The following GRID2 variants were observed in gnomAD, a reference collection of about 807,000 sequenced individuals.
GRID2 encodes glutamate ionotropic receptor delta type subunit 2.
Under a neutral mutation model 114.8 loss-of-function variants are expected in GRID2, and 33 were observed. That is an observed-to-expected ratio of 0.29 (90% CI 0.22 to 0.38). The LOEUF is 0.38. GRID2 is among the 10% of genes least tolerant of loss of function. The pLI is 1.00. For synonymous variants in GRID2, 505 were observed against 449.9 expected, an observed-to-expected ratio of 1.12 and a Z score of -1.55; for missense variants, 1,184 against 1,257.7, an observed-to-expected ratio of 0.94 and a Z score of 0.89.
intron 13 of GRID2, among the ~76,000 whole-genome samples, chr4:93,587,589 C>T (rs1393578344): frequency 3.9e-5 from 6 of 151,984 alleles, no homozygotes; most frequent in Non-Finnish European, 1.5e-5. Context: ...TATCCATGGC[C>T]TCATTTTAGT....
At chr4:92,596,491 A>T (rs879646029) in intron 2 of GRID2, among the ~76,000 whole-genome samples, 9 of 152,032 alleles carry the variant, frequency 5.9e-5, no homozygotes, top group Non-Finnish European at 8.8e-5. Context: ...TCTATGAGGG[A>T]AGATACTTAG....
At position 93,671,194 on chromosome 4, in the gene GRID2, A is replaced by G. The variant is rs1159382299; in HGVS notation, c.2360+44759A>G. Among the ~76,000 whole-genome samples, 3 of 152,122 alleles carry G rather than the reference A, an allele frequency of 2.0e-5. No individual in the cohort carries two copies. In the East Asian group the frequency reaches 5.8e-4, roughly 29 times the overall value. On this transcript the variant is annotated intron_variant, in intron 14 of 15. Transcript: ENST00000282020. ...GTCATGTTTCGCTGTGGCAGAAAGCACTCTGAGCAGAGTGACGTTCTAAAA... is the reference window on the plus strand; with the variant it reads ...GTCATGTTTCGCTGTGGCAGAAAGCGCTCTGAGCAGAGTGACGTTCTAAAA...
chr4:93,013,529 C>T (rs902818680), intron 2 of GRID2, among the ~76,000 whole-genome samples: 19 of 151,480 alleles, frequency 1.3e-4, no homozygotes, highest in South Asian at 6.2e-4. Context: ...TATATATATA[C>T]CCACACACAC....
At chr4:92,502,305 G>A (rs1486605551) in intron 1 of GRID2, among the ~76,000 whole-genome samples, 1 of 151,964 alleles carries the variant, frequency 6.6e-6, no homozygotes, top group Admixed American at 6.6e-5. Context: ...ATTAAAAAGT[G>A]TAATTCATTA....
intron 1 of GRID2, among the ~76,000 whole-genome samples, chr4:92,498,438 T>C (rs1184166890): frequency 6.6e-6 from 1 of 151,938 alleles, no homozygotes; most frequent in Non-Finnish European, 1.5e-5. Flanking sequence ...TAAAGGCATT[T>C]ATATTTAAAT....
At chr4:92,427,517 A>G (rs905501901) in intron 1 of GRID2, among the ~76,000 whole-genome samples, 2 of 152,176 alleles carry the variant, frequency 1.3e-5, no homozygotes, top group Non-Finnish European at 2.9e-5. Context: ...ATACTAGGAA[A>G]AGCTAGTACA....
intron 2 of GRID2, among the ~76,000 whole-genome samples, chr4:92,938,412 GAT>G (rs1282720223): frequency 6.8e-6 from 1 of 146,254 alleles, no homozygotes; most frequent in Non-Finnish European, 1.5e-5. Flanking sequence ...GAAATTCCCT[GAT>G]AATTATTTTT....
intron 14 of GRID2, among the ~76,000 whole-genome samples, chr4:93,650,345 A>G (rs1328505189): frequency 6.6e-6 from 1 of 152,084 alleles, no homozygotes; most frequent in Non-Finnish European, 1.5e-5. Context: ...TATTTGGGGA[A>G]TTATATGTTA....
At chr4:92,599,016 G>A (rs1268932484) in intron 2 of GRID2, among the ~76,000 whole-genome samples, 1 of 145,656 alleles carries the variant, frequency 6.9e-6, no homozygotes, top group Non-Finnish European at 1.5e-5. Context: ...TATATATAAT[G>A]AAATGCTTTT....
chr4:93,809,829 T>G (rs781457689), exon 2 of GRID2: 1 of 152,152 alleles, frequency 6.6e-6, no homozygotes, highest in Non-Finnish European at 1.5e-5. Flanking sequence ...TAAAAAACAT[T>G]AGCAATTAAA....
At chr4:93,532,005 G>T (rs916120590) in intron 13 of GRID2, among the ~76,000 whole-genome samples, 7 of 152,000 alleles carry the variant, frequency 4.6e-5, no homozygotes, top group Admixed American at 2.0e-4. Flanking sequence ...TGTTGTTTGG[G>T]CTAAAGAGGA....
chr4:92,692,201 A>G (rs995186295), intron 2 of GRID2, among the ~76,000 whole-genome samples: 1 of 152,150 alleles, frequency 6.6e-6, no homozygotes, highest in African/African-American at 2.4e-5. Flanking sequence ...TAGACAAATG[A>G]GTTTCAAGGA....
intron 1 of GRID2, among the ~76,000 whole-genome samples, chr4:92,547,381 A>G (rs555590676): frequency 6.6e-6 from 1 of 152,294 alleles, no homozygotes; most frequent in South Asian, 2.1e-4. Context: ...ATATATACTC[A>G]GTACATTTTT....
intron 13 of GRID2, among the ~76,000 whole-genome samples, chr4:93,573,153 G>C (rs1736088584): frequency 1.3e-5 from 2 of 152,082 alleles, no homozygotes; most frequent in South Asian, 4.1e-4. Flanking sequence ...GCAGGAATGT[G>C]TTCAGTTAAC....
intron 1 of GRID2, among the ~76,000 whole-genome samples, chr4:92,484,770 G>A (rs1385922620): frequency 6.6e-6 from 1 of 151,792 alleles, no homozygotes; most frequent in African/African-American, 2.4e-5. Flanking sequence ...GTACTATACA[G>A]GTTTGACTTA....
intron 14 of GRID2, among the ~76,000 whole-genome samples, chr4:93,637,595 C>A (rs1721527732): frequency 6.6e-6 from 1 of 152,106 alleles, no homozygotes; most frequent in African/African-American, 2.4e-5. Context: ...TTTTCAGAAA[C>A]TTAAATGGTA....
intron 2 of GRID2, among the ~76,000 whole-genome samples, chr4:92,788,477 T>A (rs1283541625): frequency 6.6e-6 from 1 of 151,944 alleles, no homozygotes; most frequent in African/African-American, 2.4e-5. Context: ...AATTATAAGA[T>A]GCACATGTGT....
chr4:93,612,061 A>T (rs963172844), intron 13 of GRID2, among the ~76,000 whole-genome samples: 11 of 152,100 alleles, frequency 7.2e-5, no homozygotes, highest in African/African-American at 2.7e-4. Context: ...TCCCTTTACC[A>T]TTATGTAATG....
At chr4:93,199,548 G>T (rs1021963175) in intron 4 of GRID2, among the ~76,000 whole-genome samples, 6 of 152,192 alleles carry the variant, frequency 3.9e-5, no homozygotes, top group African/African-American at 1.4e-4. Flanking sequence ...AACTTTGGCA[G>T]TAATGGCAAG....
Sources: gnomAD v4.1 joint callset for allele counts (sites outside exome capture counted in the v4.1 genomes callset) on GRCh38, gnomAD v4.1.1 for gene constraint, MANE v1.5 for transcripts, NCBI Gene and HGNC (gene_info 2026-07-23, HGNC 2026-07-21) for gene names.